SLC9A9: variants seen among roughly 807,000 people sequenced by gnomAD.
SLC9A9 encodes sodium/hydrogen exchanger 9.
SLC9A9 carries 62 observed loss-of-function variants against 77.8 expected under a neutral mutation model. The observed-to-expected ratio is 0.80, with a 90% CI of 0.65 to 0.98. SLC9A9 has a LOEUF of 0.98. Ranked by LOEUF, SLC9A9 falls within the 50% of genes least tolerant of loss-of-function variation. The pLI, the probability that SLC9A9 is intolerant of heterozygous loss-of-function variation, is 0.00. For missense variants in SLC9A9, 775 were observed against 774.9 expected (o/e 1.00, Z 0.00); for synonymous variants, 320 against 283.5 (o/e 1.13, Z -1.29).
At chr3:143,498,842 T>C (rs1003835653) in intron 9 of SLC9A9, among the ~76,000 whole-genome samples, 1 of 152,220 alleles carries the variant, frequency 6.6e-6, no homozygotes, top group African/African-American at 2.4e-5. Context: ...ATTTGTCATC[T>C]TTGACTCAGC....
intron 8 of SLC9A9, among the ~76,000 whole-genome samples, chr3:143,566,199 T>C (rs1186705489): frequency 2.6e-5 from 4 of 152,154 alleles, no homozygotes; most frequent in African/African-American, 9.7e-5. Flanking sequence ...TTTCCCTCAC[T>C]GCTTACTCTA....
chr3:143,282,256 AC>A (rs1402330195), intron 14 of SLC9A9, among the ~76,000 whole-genome samples: 1 of 151,598 alleles, frequency 6.6e-6, no homozygotes, highest in African/African-American at 2.4e-5. Flanking sequence ...CACAACACAT[AC>A]CCCCCCAAAC....
intron 9 of SLC9A9, among the ~76,000 whole-genome samples, chr3:143,534,684 C>T (rs192707062): frequency 1.3e-4 from 20 of 152,302 alleles, no homozygotes; most frequent in Admixed American, 3.3e-4. Context: ...TGCTGACCAA[C>T]AGGGCAGATT....
chr3:143,441,162 A>G (rs977904967), intron 12 of SLC9A9, among the ~76,000 whole-genome samples: 2 of 152,224 alleles, frequency 1.3e-5, no homozygotes, highest in African/African-American at 4.8e-5. Context: ...AGTGGTAAAC[A>G]GTAACTGAGA....
intron 14 of SLC9A9, among the ~76,000 whole-genome samples, chr3:143,346,633 C>CA (rs1359910294): frequency 6.6e-6 from 1 of 151,776 alleles, no homozygotes; most frequent in East Asian, 1.9e-4. Context: ...ACTCAAAATA[C>CA]AAAAAATTAG....
intron 13 of SLC9A9, among the ~76,000 whole-genome samples, chr3:143,367,387 T>A (rs984872066): frequency 2.0e-4 from 30 of 152,222 alleles, no homozygotes; most frequent in Admixed American, 6.5e-4. Context: ...TGACTCAGCA[T>A]TGACATTTAC....
chr3:143,294,261 T>G (rs2030150581), intron 14 of SLC9A9, among the ~76,000 whole-genome samples: 1 of 151,036 alleles, frequency 6.6e-6, no homozygotes, highest in African/African-American at 2.5e-5. Context: ...TTTCTTGCAA[T>G]TGTTGTTTAC....
Position 143,341,955 on chromosome 3 carries a change from G to C in SLC9A9, c.1604+21529C>G, listed in dbSNP as rs1436742982. Reference sequence around the variant, plus strand: ...CTTACAAAGGACCCATGCAGATGAAGAGCCCTGAAAGCTGAGTTTCATTGA... The same window carrying C: ...CTTACAAAGGACCCATGCAGATGAACAGCCCTGAAAGCTGAGTTTCATTGA... On this transcript the variant is annotated intron_variant, in intron 14 of 15. Coordinates refer to ENST00000316549, the MANE Select transcript of SLC9A9 (RefSeq NM_173653.4). Among the ~76,000 whole-genome samples the C allele has an allele frequency of 2.6e-5, 4 of 152,164 alleles. No homozygotes were observed. The South Asian group carries it at 6.2e-4, about 24-fold the overall frequency.
intron 4 of SLC9A9, among the ~76,000 whole-genome samples, chr3:143,768,071 C>G (rs1329012033): frequency 6.6e-6 from 1 of 152,146 alleles, no homozygotes; most frequent in African/African-American, 2.4e-5. Flanking sequence ...ACTTTTCCAT[C>G]TTTCTCACCA....
At chr3:143,604,563 T>C (rs2037892189) in intron 6 of SLC9A9, among the ~76,000 whole-genome samples, 1 of 152,128 alleles carries the variant, frequency 6.6e-6, no homozygotes, top group Admixed American at 6.5e-5. Flanking sequence ...GAGAAAATAA[T>C]AGTTGTCTAG....
chr3:143,768,393 G>A (rs992639993), intron 4 of SLC9A9, among the ~76,000 whole-genome samples: 2 of 152,142 alleles, frequency 1.3e-5, no homozygotes, highest in African/African-American at 4.8e-5. Context: ...AGTTATAGAT[G>A]TTGAGAAAGA....
At chr3:143,570,297 C>A (rs1049011358) in intron 8 of SLC9A9, among the ~76,000 whole-genome samples, 2 of 151,786 alleles carry the variant, frequency 1.3e-5, no homozygotes, top group African/African-American at 4.8e-5. Flanking sequence ...TAAATGTAAA[C>A]CGGAAGAAAA....
chr3:143,762,141 T>C (rs1221957093), intron 4 of SLC9A9, among the ~76,000 whole-genome samples: 2 of 151,330 alleles, frequency 1.3e-5, no homozygotes, highest in Non-Finnish European at 2.9e-5. Context: ...AATTGAACAA[T>C]GAGAACACTT....
intron 12 of SLC9A9, among the ~76,000 whole-genome samples, chr3:143,384,013 T>C (rs546316191): frequency 1.3e-5 from 2 of 152,240 alleles, no homozygotes; most frequent in Non-Finnish European, 1.5e-5. Context: ...TAATAGCTAT[T>C]TATTTTGTGC....
chr3:143,831,395 G>A (rs537885108), intron 2 of SLC9A9, among the ~76,000 whole-genome samples: 11 of 152,266 alleles, frequency 7.2e-5, no homozygotes, highest in Admixed American at 1.3e-4. Context: ...AACTGAAGCC[G>A]TTCACAAATC....
intron 14 of SLC9A9, among the ~76,000 whole-genome samples, chr3:143,279,437 C>CTT (rs752118664): frequency 3.5e-4 from 53 of 152,298 alleles, no homozygotes; most frequent in Non-Finnish European, 1.9e-4. Flanking sequence ...TTTTATTACA[C>CTT]TTTAAGTTCT....
chr3:143,471,478 G>A (rs973229184), intron 11 of SLC9A9, among the ~76,000 whole-genome samples: 1 of 152,120 alleles, frequency 6.6e-6, no homozygotes, highest in Non-Finnish European at 1.5e-5. Flanking sequence ...TAGGGTACCA[G>A]CAAAATACTA....
intron 9 of SLC9A9, among the ~76,000 whole-genome samples, chr3:143,507,624 G>C (rs1337058336): frequency 6.6e-6 from 1 of 152,164 alleles, no homozygotes; most frequent in Non-Finnish European, 1.5e-5. Flanking sequence ...GTTCACTCTA[G>C]GTGTTAAACA....
chr3:143,503,157 G>A (rs1463256215), intron 9 of SLC9A9: 1 of 170,098 alleles, frequency 5.9e-6, no homozygotes, highest in East Asian at 1.9e-4. Context: ...GTGTGGCATG[G>A]AAACTGTGTC....
Sources: allele counts gnomAD v4.1 joint callset (sites outside exome capture counted in the v4.1 genomes callset), GRCh38; gene constraint gnomAD v4.1.1; transcripts MANE v1.5; gene names NCBI Gene and HGNC (gene_info 2026-07-23, HGNC 2026-07-21).